IL10RB: variants seen among roughly 807,000 people sequenced by gnomAD.
IL10RB encodes interleukin 10 receptor subunit beta.
IL10RB carries 30 observed loss-of-function variants against 38.7 expected under a neutral mutation model. The ratio of observed to expected loss-of-function variants is 0.78; its 90% CI spans 0.58 to 1.05. The LOEUF (loss-of-function observed/expected upper bound fraction) is 1.05. Ranked by LOEUF, IL10RB falls within the 50% of genes least tolerant of loss-of-function variation. The pLI is 0.00. For missense variants in IL10RB, 328 were observed against 397.1 expected, an observed-to-expected ratio of 0.83 and a Z score of 1.48; for synonymous variants, 142 against 145.9, an observed-to-expected ratio of 0.97 and a Z score of 0.19.
chr21:33,281,796 G>T (rs568283044), intron 4 of IL10RB, among the ~76,000 whole-genome samples: 2 of 152,304 alleles, frequency 1.3e-5, no homozygotes, highest in African/African-American at 4.8e-5. Context: ...AGAATGTAGA[G>T]ATTCCTGAGG....
In IL10RB at chr21:33,296,681, G is replaced by A; in HGVS notation, c.*324G>A. The A allele has an allele frequency of 2.3e-6, 1 of 431,882 alleles. No homozygotes were observed. The highest frequency in any genetic ancestry group is 4.5e-6 in the Non-Finnish European group (1 of 220,490). 26.8% of individuals were successfully genotyped at this position (431,882 alleles called of 1,614,324 possible). ...GTGAGAAACAGGGCCGAGCACAGTG[G>A]CTCACGCCTGTAATACCAGCACCTT... is the stretch of plus-strand genomic sequence containing the variant. On this transcript the variant is annotated 3_prime_UTR_variant, in exon 7 of 7. Transcript: ENST00000290200.
intron 2 of IL10RB, among the ~76,000 whole-genome samples, chr21:33,269,004 G>A (rs1272798195): frequency 1.3e-5 from 2 of 152,080 alleles, no homozygotes; most frequent in Non-Finnish European, 2.9e-5. Flanking sequence ...CCCCTCCAAT[G>A]GATTATAACA....
At chr21:33,270,412 G>A (rs1165119705) in intron 2 of IL10RB, among the ~76,000 whole-genome samples, 2 of 149,526 alleles carry the variant, frequency 1.3e-5, no homozygotes, top group Non-Finnish European at 3.0e-5. Context: ...ACGGAGTCTC[G>A]CTCTGTTGCC....
intron 6 of IL10RB, among the ~76,000 whole-genome samples, chr21:33,289,648 T>A (rs1601836396): frequency 6.6e-6 from 1 of 152,154 alleles, no homozygotes; most frequent in African/African-American, 2.4e-5. Context: ...CTCTGGCGGG[T>A]ACCCACTGTG....
At position 33,296,112 on chromosome 21, in the gene IL10RB, G is replaced by GA. The variant is rs1601839492; in HGVS notation, c.805-66dup. 1.3e-5 allele frequency: 15 copies of GA among 1,178,990 alleles called. No individual in the cohort carries two copies. In the East Asian group the frequency reaches 2.8e-4, roughly 22 times the overall value. The allele number at this position is 1,178,990 out of a possible 1,614,324, so 73.0% of individuals were successfully genotyped here. The stretch of plus-strand genomic sequence containing the variant: ...TAGATTTTCCAGCCAGGAGTTCTGT[G>GA]AAAAAATCTTTGTAAACCCAGAAAA... On this transcript the variant is annotated intron_variant, in intron 6 of 6. Coordinates refer to ENST00000290200, the MANE Select transcript of IL10RB (RefSeq NM_000628.5).
At chr21:33,294,875 G>A (rs1001020203) in intron 6 of IL10RB, among the ~76,000 whole-genome samples, 1 of 152,168 alleles carries the variant, frequency 6.6e-6, no homozygotes, top group Non-Finnish European at 1.5e-5. Context: ...AAATGTATAG[G>A]GGCATCTTCA....
chr21:33,269,172 C>G (rs1159998964), intron 2 of IL10RB, among the ~76,000 whole-genome samples: 3 of 152,198 alleles, frequency 2.0e-5, no homozygotes, highest in Admixed American at 6.5e-5. Flanking sequence ...TGAGTGTCAC[C>G]CTAGACGGTC....
downstream of IL10RB, among the ~76,000 whole-genome samples, chr21:33,297,680 G>A (rs1412438065): frequency 7.9e-5 from 12 of 152,080 alleles, 1 homozygote; most frequent in Middle Eastern, 6.3e-3. Context: ...AGGCATGGTG[G>A]CATGTGTCTG....
intron 2 of IL10RB, 32 bp downstream of exon 2, chr21:33,268,549 A>G: frequency 6.7e-7 from 1 of 1,501,986 alleles, no homozygotes; most frequent in Non-Finnish European, 9.3e-7. Flanking sequence ...GCAGGAACGC[A>G]CCGGAGGAGC....
intron 3 of IL10RB, among the ~76,000 whole-genome samples, chr21:33,278,251 G>A (rs1031736596): frequency 6.6e-6 from 1 of 151,924 alleles, no homozygotes; most frequent in African/African-American, 2.4e-5. Context: ...ATGGGGAGTG[G>A]TCTTTATGCC....
chr21:33,309,021 C>T (rs943459081), exon 2 of IL10RB: 1 of 152,186 alleles, frequency 6.6e-6, no homozygotes, highest in Non-Finnish European at 1.5e-5. Flanking sequence ...GGATCTGAAA[C>T]CCCAACAGCA....
chr21:33,271,313 A>G (rs555549426), intron 2 of IL10RB, among the ~76,000 whole-genome samples: 3 of 152,340 alleles, frequency 2.0e-5, no homozygotes, highest in African/African-American at 7.2e-5. Context: ...AGCCGGGGGC[A>G]CTTCAGAGGA....
intron 1 of IL10RB, among the ~76,000 whole-genome samples, chr21:33,305,832 A>T (rs2082997735): frequency 6.6e-6 from 1 of 151,810 alleles, no homozygotes; most frequent in African/African-American, 2.4e-5. Flanking sequence ...ATTTTTTTTT[A>T]ATTTTTAATA....
At position 33,279,919 on chromosome 21, in the gene IL10RB, GTAAGGT is replaced by G. The variant is rs1568906486; in HGVS notation, c.498+3_498+8del. The G allele has an allele frequency of 6.2e-7, 1 of 1,613,116 alleles. No individual in the cohort carries two copies. The stretch of plus-strand genomic sequence containing the variant: ...CTGGAAAAACGGTACTGATGAAAAG[GTAAGGT>G]TGGCTAATTGCATTTCAGAGGTAGT... On this transcript the variant is annotated splice_donor_variant and splice_donor_5th_base_variant and intron_variant, in intron 4 of 6. Coordinates refer to ENST00000290200, the MANE Select transcript of IL10RB (RefSeq NM_000628.5). LOFTEE classifies it high-confidence loss of function.
chr21:33,284,296 CAA>C (rs59098773), intron 5 of IL10RB, among the ~76,000 whole-genome samples: 35 of 69,132 alleles, frequency 5.1e-4, no homozygotes, highest in Admixed American at 6.9e-4. Context: ...GACCCTGCCT[CAA>C]AAAAAAAAAA....
chr21:33,300,977 GT>G (rs1285100563), downstream of IL10RB, among the ~76,000 whole-genome samples: 2 of 152,200 alleles, frequency 1.3e-5, no homozygotes, highest in African/African-American at 4.8e-5. Flanking sequence ...AGACTCTGTT[GT>G]TTTACCCTGA....
chr21:33,266,470 C>G lies in IL10RB; in HGVS notation c.5C>G (p.Ala2Gly). 1.3e-6 allele frequency: 2 copies of G among 1,542,226 alleles called. No individual in the cohort carries two copies. Among genetic ancestry groups the G allele is most frequent in the South Asian group, 2.4e-5 (2 of 84,010 alleles). Residue 2 changes from alanine (A) to glycine (G), a missense_variant, in exon 1 of 7, where the codon GCG becomes GGG. Transcript: ENST00000290200. MAWSLGSWLGGC... is the reference protein window; with the variant it reads MGWSLGSWLGGC... ...CGGAACCCCCAGCGTCCGTCCATGGCGTGGAGCCTTGGGAGCTGGCTGGGT... is the reference window on the plus strand; with the variant it reads ...CGGAACCCCCAGCGTCCGTCCATGGGGTGGAGCCTTGGGAGCTGGCTGGGT...
At chr21:33,303,440 C>T (rs1389714495) in intron 1 of IL10RB, among the ~76,000 whole-genome samples, 2 of 151,250 alleles carry the variant, frequency 1.3e-5, no homozygotes, top group Non-Finnish European at 2.9e-5. Flanking sequence ...CTTCAACCTC[C>T]ACCTCCCGGG....
intron 6 of IL10RB, among the ~76,000 whole-genome samples, chr21:33,295,357 GAAAAAAA>G (rs59137986): frequency 3.6e-5 from 2 of 55,878 alleles, no homozygotes; most frequent in Non-Finnish European, 7.1e-5. Context: ...GACTCCGTCT[GAAAAAAA>G]AAAAAAAAAA....
Sources: allele counts gnomAD v4.1 joint callset (sites outside exome capture counted in the v4.1 genomes callset), GRCh38; gene constraint gnomAD v4.1.1; transcripts MANE v1.5; gene names NCBI Gene and HGNC (gene_info 2026-07-23, HGNC 2026-07-21).